RAVER1: variants seen among roughly 807,000 people sequenced by gnomAD.
RAVER1 encodes the protein ribonucleoprotein PTB-binding 1.
In RAVER1, 36 loss-of-function variants were observed where a neutral mutation model predicts 68.4. The ratio of observed to expected loss-of-function variants is 0.53; its 90% CI spans 0.40 to 0.70. RAVER1 has a LOEUF of 0.70. Ranked by LOEUF, RAVER1 falls within the 30% of genes least tolerant of loss-of-function variation. RAVER1 has a pLI of 0.00. For synonymous variants in RAVER1, 469 were observed against 472.7 expected (o/e 0.99, Z 0.10); for missense variants, 933 against 1,019.8 (o/e 0.91, Z 1.16).
At position 10,323,848 on chromosome 19, in the gene RAVER1, C is replaced by T. The variant is rs2145074659; in HGVS notation, c.757-282G>A. Reference sequence around the variant, plus strand: ...GAGGGCGGAGCTGGGAGCCACCTCACCAACAAAGCCAAGGCCACGGGCGGA... The same window carrying T: ...GAGGGCGGAGCTGGGAGCCACCTCATCAACAAAGCCAAGGCCACGGGCGGA... On this transcript the variant is annotated intron_variant, in intron 3 of 12. Coordinates refer to ENST00000617231, the MANE Select transcript of RAVER1 (RefSeq NM_133452.3). The surrounding 1 kb of genome is among the most constrained non-coding windows in gnomAD (Gnocchi z 6.2). 6.6e-6 allele frequency among the ~76,000 whole-genome samples: 1 copy of T among 152,322 alleles called. No individual in the cohort carries two copies. The highest frequency in any genetic ancestry group is 2.1e-4 in the South Asian group (1 of 4,822).
rs1227341663 is a variant in RAVER1 at position 10,329,594 on chromosome 19, A to T, written c.287-483T>A. 2.0e-5 allele frequency among the ~76,000 whole-genome samples: 3 copies of T among 152,048 alleles called. No homozygotes were observed. The highest frequency in any genetic ancestry group is 4.4e-5 in the Non-Finnish European group (3 of 67,998). On this transcript the variant is annotated intron_variant, in intron 2 of 12. Transcript: ENST00000617231. This position sits in a 1 kb window ranked among gnomAD's most constrained non-coding sequence, Gnocchi z 4.6. ...CCCCGAGTAGGGGAGCCTGGACTTG[A>T]ACCCAGGCAGCCGGACTCCAGAGGC...
chr19:10,322,856 G>GCCC lies in RAVER1; in HGVS notation c.1079-118_1079-117insGGG. ...GAAACTGACACTCTGGGGCCGGGGG[G>GCCC]TGGGCAGTGGACTTGCCCAAAGGAA... On this transcript the variant is annotated intron_variant, in intron 5 of 12. Coordinates refer to ENST00000617231, the MANE Select transcript of RAVER1 (RefSeq NM_133452.3). The surrounding 1 kb of genome is among the most constrained non-coding windows in gnomAD (Gnocchi z 4.3). 6 of 605,442 alleles carry GCCC rather than the reference G, an allele frequency of 9.9e-6. No homozygotes were observed. The highest frequency in any genetic ancestry group is 3.7e-4 in the Middle Eastern group (1 of 2,692). The allele number at this position is 605,442 out of a possible 1,614,324, so 37.5% of individuals were successfully genotyped here. A position where few individuals can be genotyped will look rare whatever the true frequency, so the allele number is the denominator to read the frequency against.
chr19:10,323,828 C>A lies in RAVER1; in HGVS notation c.757-262G>T, dbSNP rs998317549. Among the ~76,000 whole-genome samples, 1 of 152,112 alleles carries A rather than the reference C, an allele frequency of 6.6e-6. No homozygotes were observed. The highest frequency in any genetic ancestry group is 1.5e-5 in the Non-Finnish European group (1 of 68,016). On this transcript the variant is annotated intron_variant, in intron 3 of 12. Coordinates refer to ENST00000617231, the MANE Select transcript of RAVER1 (RefSeq NM_133452.3). The surrounding 1 kb of genome is among the most constrained non-coding windows in gnomAD (Gnocchi z 6.2). Reference sequence around the variant, plus strand: ...CAAGGCCACACAGCTGGAGGGAGGGCGGAGCTGGGAGCCACCTCACCAACA... The same window carrying A: ...CAAGGCCACACAGCTGGAGGGAGGGAGGAGCTGGGAGCCACCTCACCAACA...
rs779356634 is a variant in RAVER1, at chr19:10,323,379, G to A, written c.944C>T (p.Ala315Val). ...SMLAALIAAQ[A>V]TALNRGKGLL... ...CCTCTGCCCGCACAGGCTCACCGTG[G>A]CCTGGGCAGCGATGAGAGCGGCCAG... Residue 315 changes from alanine (A) to valine (V), a missense_variant, in exon 4 of 13, where the codon GCC (alanine) becomes GTC (valine). Physicochemically the swap from Ala to Val is moderately conservative, Grantham distance 64 (BLOSUM62 0). Around this residue, in one of 3 missense-constraint regions of RAVER1, gnomAD observed 699 missense variants for 731.1 expected, o/e 0.96. Transcript: ENST00000617231. This position sits in a 1 kb window ranked among gnomAD's most constrained non-coding sequence, Gnocchi z 6.2. 1.2e-6 allele frequency: 2 copies of A among 1,604,556 alleles called. No homozygotes were observed. The highest frequency in any genetic ancestry group is 2.2e-5 in the South Asian group (2 of 90,116).
At position 10,316,394 on chromosome 19, in the gene RAVER1, C is replaced by CT; in HGVS notation, c.*1059dup. On this transcript the variant is annotated 3_prime_UTR_variant, in exon 13 of 13. Coordinates refer to ENST00000617231, the MANE Select transcript of RAVER1 (RefSeq NM_133452.3). ...GGTCACCTCAGGTCGACAGGTCCTG[C>CT]TGGTGGGCGGGCCCAGAGTTTATCT... 5 of 1,046,398 alleles carry CT rather than the reference C, an allele frequency of 4.8e-6. 1 individual carries two copies. The highest frequency in any genetic ancestry group is 3.5e-6 in the Non-Finnish European group (3 of 868,862). 64.8% of individuals were successfully genotyped at this position (1,046,398 alleles called of 1,614,324 possible). A position where few individuals can be genotyped will look rare whatever the true frequency, so the allele number is the denominator to read the frequency against.
chr19:10,323,012 C>T lies in RAVER1; in HGVS notation c.1078+133G>A. 5.1e-6 allele frequency: 4 copies of T among 779,920 alleles called. No individual in the cohort carries two copies. The allele number at this position is 779,920 out of a possible 1,614,324, so 48.3% of individuals were successfully genotyped here. A position where few individuals can be genotyped will look rare whatever the true frequency, so the allele number is the denominator to read the frequency against. On this transcript the variant is annotated intron_variant, in intron 5 of 12. Coordinates refer to ENST00000617231, the MANE Select transcript of RAVER1 (RefSeq NM_133452.3). The surrounding 1 kb of genome is among the most constrained non-coding windows in gnomAD (Gnocchi z 6.2). ...TGGACAGCAGCAGCCCCCGCTATGA[C>T]TCCATACTCCCCCTCGGCCCTACTC...
chr19:10,321,498 T>C, intron 7 of RAVER1, 33 bp downstream of exon 7: 1 of 1,338,496 alleles, frequency 7.5e-7, no homozygotes, highest in South Asian at 2.5e-5. Context: ...GGGAAGTGGC[T>C]GGGGGACACC....
In RAVER1 at chr19:10,323,221, G is replaced by A. The variant is rs2040451457; in HGVS notation, c.1002C>T (p.Leu334=). ...GGGACGCGGATGGGCCCAGGTTGTT[G>A]AGCAGCTGCAGGATGTTGGGCTCGG... is the stretch of plus-strand genomic sequence containing the variant. ...LLPEPNILQL[L]NNLGPSASLQ... Residue 334 remains leucine, a synonymous_variant, in exon 5 of 13, where the codon CTC becomes CTT. Transcript: ENST00000617231. This position sits in a 1 kb window ranked among gnomAD's most constrained non-coding sequence, Gnocchi z 6.2. 1 of 1,613,196 alleles carries A rather than the reference G, an allele frequency of 6.2e-7. No individual in the cohort carries two copies. Among genetic ancestry groups the A allele is most frequent in the Non-Finnish European group, 8.5e-7 (1 of 1,179,552 alleles).
At position 10,317,305 on chromosome 19, in the gene RAVER1, GGGCTCC is replaced by G; in HGVS notation, c.*143_*148del. The G allele has an allele frequency of 1.2e-6, 1 of 850,730 alleles. No homozygotes were observed. Among genetic ancestry groups the G allele is most frequent in the South Asian group, 1.5e-5 (1 of 66,500 alleles). 52.7% of individuals were successfully genotyped at this position (850,730 alleles called of 1,614,324 possible). ...CTCCCCCACACCCCTTGGGCTCCTG[GGGCTCC>G]GGCTGATTGGTCAGTAAAGTCTTTC... On this transcript the variant is annotated 3_prime_UTR_variant, in exon 13 of 13. Transcript: ENST00000617231. This position sits in a 1 kb window ranked among gnomAD's most constrained non-coding sequence, Gnocchi z 4.3.
At position 10,323,517 on chromosome 19, in the gene RAVER1, T is replaced by A; in HGVS notation, c.806A>T (p.Tyr269Phe). Residue 269 changes from tyrosine (Y) to phenylalanine (F), a missense_variant, in exon 4 of 13, where the codon TAT (tyrosine) becomes TTT (phenylalanine). Around this residue, in one of 3 missense-constraint regions of RAVER1, gnomAD observed 699 missense variants for 731.1 expected, o/e 0.96. Transcript: ENST00000617231. The surrounding 1 kb of genome is among the most constrained non-coding windows in gnomAD (Gnocchi z 6.2). ...GQLKGFAVLEYETAEMAEEAQ... is the reference protein window; with the variant it reads ...GQLKGFAVLEFETAEMAEEAQ... Reference sequence around the variant, plus strand: ...CTCCTCCGCCATCTCAGCCGTCTCATACTCCAGCACCGCGAAGCCCTTCAG... The same window carrying A: ...CTCCTCCGCCATCTCAGCCGTCTCAAACTCCAGCACCGCGAAGCCCTTCAG... The A allele has an allele frequency of 6.2e-7, 1 of 1,608,326 alleles. No individual in the cohort carries two copies. Among genetic ancestry groups the A allele is most frequent in the Non-Finnish European group, 8.5e-7 (1 of 1,179,620 alleles).
At chr19:10,320,561 C>T in intron 9 of RAVER1, 94 bp downstream of exon 9, 1 of 1,194,844 alleles carries the variant, frequency 8.4e-7, no homozygotes, top group Non-Finnish European at 1.1e-6. Context: ...TGCCGCCTCC[C>T]TAGCACATGG....
In RAVER1 at chr19:10,323,923, C is replaced by T. The variant is rs550469852; in HGVS notation, c.757-357G>A. On this transcript the variant is annotated intron_variant, in intron 3 of 12. Coordinates refer to ENST00000617231, the MANE Select transcript of RAVER1 (RefSeq NM_133452.3). The surrounding 1 kb of genome is among the most constrained non-coding windows in gnomAD (Gnocchi z 6.2). ...CAGCACTTTGGGAGGCCGAGGCGGGCAGATAACCTGAGGTCGGGAGTTCGA... is the reference window on the plus strand; with the variant it reads ...CAGCACTTTGGGAGGCCGAGGCGGGTAGATAACCTGAGGTCGGGAGTTCGA... Among the ~76,000 whole-genome samples, 1 of 152,204 alleles carries T rather than the reference C, an allele frequency of 6.6e-6. No individual in the cohort carries two copies. The highest frequency in any genetic ancestry group is 2.1e-4 in the South Asian group (1 of 4,820).
intron 1 of RAVER1, among the ~76,000 whole-genome samples, 166 bp from the exon 2 acceptor site, chr19:10,330,692 G>A (rs1322452779): frequency 6.6e-6 from 1 of 152,192 alleles, no homozygotes; most frequent in Admixed American, 6.6e-5. Context: ...AGGTCATTCT[G>A]CTCATACCTG....
chr19:10,324,866 G>A (rs1344551499), intron 3 of RAVER1, among the ~76,000 whole-genome samples: 4 of 152,112 alleles, frequency 2.6e-5, no homozygotes, highest in Non-Finnish European at 4.4e-5. Flanking sequence ...TCACTTCAAC[G>A]CCTGCTACTC....
intron 3 of RAVER1, among the ~76,000 whole-genome samples, chr19:10,327,849 G>A (rs1348251529): frequency 6.6e-6 from 1 of 152,232 alleles, no homozygotes; most frequent in Non-Finnish European, 1.5e-5. Context: ...CTCTTAGAGA[G>A]TGAGTCTGGC....
Position 10,322,832 on chromosome 19 carries a change from A to C in RAVER1, c.1079-93T>G. ...GCCCTGAACCCATTGATGGGGCAGG[A>C]AACTGACACTCTGGGGCCGGGGGGT... On this transcript the variant is annotated intron_variant, in intron 5 of 12. Coordinates refer to ENST00000617231, the MANE Select transcript of RAVER1 (RefSeq NM_133452.3). The surrounding 1 kb of genome is among the most constrained non-coding windows in gnomAD (Gnocchi z 4.3). 1 of 725,878 alleles carries C rather than the reference A, an allele frequency of 1.4e-6. No homozygotes were observed. Among genetic ancestry groups the C allele is most frequent in the South Asian group, 2.2e-5 (1 of 44,784 alleles). The allele number at this position is 725,878 out of a possible 1,614,324, so 45.0% of individuals were successfully genotyped here.
intron 1 of RAVER1, among the ~76,000 whole-genome samples, chr19:10,332,447 C>G (rs1410132804): frequency 6.6e-6 from 1 of 152,194 alleles, no homozygotes; most frequent in Non-Finnish European, 1.5e-5. Flanking sequence ...TTAATGATCC[C>G]TGTCCCGATC....
rs1192333419 is a variant in RAVER1 at position 10,323,803 on chromosome 19, C to T, written c.757-237G>A. On this transcript the variant is annotated intron_variant, in intron 3 of 12. Transcript: ENST00000617231. The surrounding 1 kb of genome is among the most constrained non-coding windows in gnomAD (Gnocchi z 6.2). ...TGAGGCACGGAGAGGTCAGCGCACC[C>T]AAGGCCACACAGCTGGAGGGAGGGC... Among the ~76,000 whole-genome samples the T allele has an allele frequency of 1.3e-5, 2 of 152,136 alleles. No homozygotes were observed. The highest frequency in any genetic ancestry group is 2.9e-5 in the Non-Finnish European group (2 of 68,008).
In RAVER1 at chr19:10,320,681, C is replaced by A; in HGVS notation, c.1744G>T (p.Asp582Tyr). The change falls in exon 9 of 13, where the codon GAC (aspartate) becomes TAC (tyrosine). Residue 582 changes from aspartate to tyrosine, a missense_variant. By Grantham distance (160) the Asp-to-Tyr change is radical. Coordinates refer to ENST00000617231, the MANE Select transcript of RAVER1 (RefSeq NM_133452.3). ...ARLPPEPGLS[D>Y]SYSFDYPSDM... ...GAGGGGTAGTCGAAGCTGTAGCTGTCAGACAGTCCTGGTTCGGGGGGCAGG... is the reference window on the plus strand; with the variant it reads ...GAGGGGTAGTCGAAGCTGTAGCTGTAAGACAGTCCTGGTTCGGGGGGCAGG... The A allele has an allele frequency of 6.4e-7, 1 of 1,555,320 alleles. No homozygotes were observed. The highest frequency in any genetic ancestry group is 8.7e-7 in the Non-Finnish European group (1 of 1,155,194).
Sources: allele counts gnomAD v4.1 joint callset (sites outside exome capture counted in the v4.1 genomes callset), GRCh38; gene constraint gnomAD v4.1.1; regional missense constraint gnomAD v4.1.1; non-coding constraint Gnocchi (gnomAD v3.1); transcripts MANE v1.5; gene names NCBI Gene and HGNC (gene_info 2026-07-23, HGNC 2026-07-21).